The following PCNX4 variants were observed in gnomAD, a reference collection of about 807,000 sequenced individuals.
PCNX4 encodes the protein pecanex-like protein 4.
A neutral mutation model predicts 107.2 loss-of-function variants in PCNX4; 103 were observed. The ratio of observed to expected loss-of-function variants is 0.96; its 90% CI spans 0.82 to 1.13. The LOEUF (loss-of-function observed/expected upper bound fraction) is 1.13, where lower values mean the gene tolerates loss of function less well. Among genes scored for constraint, PCNX4 ranks in the 50% most tolerant of loss-of-function variants. PCNX4 has a pLI of 0.00. For synonymous variants in PCNX4, 541 were observed against 481.7 expected, an observed-to-expected ratio of 1.12 and a Z score of -1.61; for missense variants, 1,528 against 1,379.4, an observed-to-expected ratio of 1.11 and a Z score of -1.71.
At chr14:60,121,921 A>G (rs904308786) in intron 8 of PCNX4, among the ~76,000 whole-genome samples, 3 of 152,082 alleles carry the variant, frequency 2.0e-5, no homozygotes, top group South Asian at 2.1e-4. Flanking sequence ...CACTTGTTTC[A>G]TGGGTTACTT....
rs1303824351 is a variant in PCNX4 at position 60,121,251 on chromosome 14, G to A, written c.1998G>A (p.Trp666Ter). 6.2e-7 allele frequency: 1 copy of A among 1,610,188 alleles called. No individual in the cohort carries two copies. Among genetic ancestry groups the A allele is most frequent in the Non-Finnish European group, 8.5e-7 (1 of 1,178,144 alleles). Reference protein sequence around the residue: ...YLGRFQDRLMWIMILECGYTY... With the variant: ...YLGRFQDRLM ...GCCGTTTTCAGGATCGTTTAATGTG[G>A]ATAATGATTCTGGAATGTGGCTATA... Residue 666 changes from tryptophan to a stop codon, truncating the protein, a stop_gained, in exon 8 of 11, where the codon TGG (tryptophan) becomes TGA (stop). Coordinates refer to ENST00000406854, the MANE Select transcript of PCNX4 (RefSeq NM_001330177.2). LOFTEE classifies it high-confidence loss of function.
chr14:60,128,985 G>A (rs1341534221), intron 10 of PCNX4, among the ~76,000 whole-genome samples: 3 of 152,154 alleles, frequency 2.0e-5, no homozygotes, highest in Admixed American at 6.5e-5. Flanking sequence ...GGCCGCGGCA[G>A]GCGGATCACC....
chr14:60,125,101 CT>C lies in PCNX4; in HGVS notation c.2932del (p.Cys978ValfsTer8). The C allele has an allele frequency of 1.2e-6, 2 of 1,613,346 alleles. No individual in the cohort carries two copies. The highest frequency in any genetic ancestry group is 1.7e-6 in the Non-Finnish European group (2 of 1,179,576). The part of the protein sequence containing the change: ...LKDFYVHTVM[T>X]CYFSLFGIDN... The stretch of plus-strand genomic sequence containing the variant: ...GACTTTTATGTTCATACAGTAATGA[CT>C]TGTTATTTTAGTTTATTTGGAATAG... On this transcript the variant is annotated frameshift_variant, in exon 9 of 11. Coordinates refer to ENST00000406854, the MANE Select transcript of PCNX4 (RefSeq NM_001330177.2). LOFTEE classifies it high-confidence loss of function.
chr14:60,131,488 T>G (rs934383495), intron 10 of PCNX4, among the ~76,000 whole-genome samples: 3 of 152,026 alleles, frequency 2.0e-5, no homozygotes, highest in African/African-American at 7.2e-5. Flanking sequence ...ATAAAATACT[T>G]AGGAAAAATT....
chr14:60,119,830 C>G (rs1895921722), intron 7 of PCNX4, among the ~76,000 whole-genome samples: 1 of 152,048 alleles, frequency 6.6e-6, no homozygotes, highest in Non-Finnish European at 1.5e-5. Context: ...ATCAGAGTGG[C>G]AAAAATGTAA....
intron 1 of PCNX4, among the ~76,000 whole-genome samples, chr14:60,096,032 A>G (rs1895417471): frequency 6.6e-6 from 1 of 152,166 alleles, no homozygotes; most frequent in Non-Finnish European, 1.5e-5. Context: ...CAGAAACAGG[A>G]CACAACACAA....
intron 6 of PCNX4, among the ~76,000 whole-genome samples, chr14:60,116,792 A>C (rs531020069): frequency 5.4e-4 from 82 of 152,326 alleles, no homozygotes; most frequent in African/African-American, 1.9e-3. Flanking sequence ...TGACAACTCC[A>C]TGTATGTTAT....
In PCNX4 at chr14:60,107,745, C is replaced by T. The variant is rs1452533632; in HGVS notation, c.107C>T (p.Ala36Val). 6.2e-7 allele frequency: 1 copy of T among 1,612,532 alleles called. No individual in the cohort carries two copies. Among genetic ancestry groups the T allele is most frequent in the Non-Finnish European group, 8.5e-7 (1 of 1,179,650 alleles). Reference protein sequence around the residue: ...GGPRFKLGYCAPPYIYVNQII... With the variant: ...GGPRFKLGYCVPPYIYVNQII... ...CCTCGATTCAAATTAGGCTATTGTG[C>T]CCCTCCTTACATATATGTTAATCAA... Residue 36 changes from alanine (A) to valine (V), a missense_variant, in exon 2 of 11, where the codon GCC (alanine) becomes GTC (valine). Transcript: ENST00000406854.
At chr14:60,133,257 T>C (rs1293769369) in intron 10 of PCNX4, among the ~76,000 whole-genome samples, 1 of 152,164 alleles carries the variant, frequency 6.6e-6, no homozygotes, top group Non-Finnish European at 1.5e-5. Flanking sequence ...TATTCTGCCA[T>C]AAAAAGGAAT....
intron 1 of PCNX4, among the ~76,000 whole-genome samples, chr14:60,095,438 T>C (rs181556940): frequency 3.9e-5 from 6 of 152,282 alleles, no homozygotes; most frequent in African/African-American, 1.4e-4. Flanking sequence ...ACTGGGAATT[T>C]CCCTGTGGGC....
chr14:60,125,139 C>A lies in PCNX4; in HGVS notation c.2968C>A (p.Pro990Thr). The change falls in exon 9 of 11, where the codon CCT (proline) becomes ACT (threonine). Residue 990 changes from proline to threonine, a missense_variant. Pro to Thr is a conservative substitution (Grantham distance 38). Transcript: ENST00000406854. ...FSLFGIDNMA[P>T]SPGHILRVYG... ...TTTATTTGGAATAGACAATATGGCTCCTAGTCCTGGTCATATATTGAGAGT... is the reference window on the plus strand; with the variant it reads ...TTTATTTGGAATAGACAATATGGCTACTAGTCCTGGTCATATATTGAGAGT... 4 of 1,612,850 alleles carry A rather than the reference C, an allele frequency of 2.5e-6. No individual in the cohort carries two copies. Among genetic ancestry groups the A allele is most frequent in the Non-Finnish European group, 3.4e-6 (4 of 1,179,292 alleles).
Position 60,116,650 on chromosome 14 carries a change from T to G in PCNX4, c.1578+590T>G, listed in dbSNP as rs114900776. Among the ~76,000 whole-genome samples, 602 of 152,256 alleles carry G rather than the reference T, an allele frequency of 4.0e-3. 3 individuals are homozygous for G. Among genetic ancestry groups the G allele is most frequent in the African/African-American group, 0.014 (571 of 41,540 alleles). On this transcript the variant is annotated intron_variant, in intron 6 of 10. Transcript: ENST00000406854. ...GTACTTGACAATAAGCAACTACTGGTTTATGTACTTACTGTGCTTTTTATT... is the reference window on the plus strand; with the variant it reads ...GTACTTGACAATAAGCAACTACTGGGTTATGTACTTACTGTGCTTTTTATT...
chr14:60,136,206 T>C lies in PCNX4; in HGVS notation c.*1985T>C, dbSNP rs1896238065. ...ATTTGACCATTCCTTGAAGCAGCTT[T>C]TGTGTTTTCTTTTGAACTTTCCTGA... On this transcript the variant is annotated 3_prime_UTR_variant, in exon 11 of 11. Coordinates refer to ENST00000406854, the MANE Select transcript of PCNX4 (RefSeq NM_001330177.2). 6.6e-6 allele frequency: 1 copy of C among 152,212 alleles called. No homozygotes were observed. Among genetic ancestry groups the C allele is most frequent in the Non-Finnish European group, 1.5e-5 (1 of 68,036 alleles). The allele number at this position is 152,212 out of a possible 1,614,324, so 9.4% of individuals were successfully genotyped here. A position where few individuals can be genotyped will look rare whatever the true frequency, so the allele number is the denominator to read the frequency against.
chr14:60,124,537 G>T lies in PCNX4; in HGVS notation c.2366G>T (p.Gly789Val), dbSNP rs1021292189. 6.2e-7 allele frequency: 1 copy of T among 1,613,534 alleles called. No individual in the cohort carries two copies. Among genetic ancestry groups the T allele is most frequent in the African/African-American group, 1.3e-5 (1 of 74,862 alleles). The change falls in exon 9 of 11, where the codon GGG (glycine) becomes GTG (valine). Residue 789 changes from glycine to valine, a missense_variant. Physicochemically the swap from Gly to Val is moderately radical, Grantham distance 109 (BLOSUM62 -3). Coordinates refer to ENST00000406854, the MANE Select transcript of PCNX4 (RefSeq NM_001330177.2). Reference protein sequence around the residue: ...KENVHNTENKGKAPLMLPALN... With the variant: ...KENVHNTENKVKAPLMLPALN... ...AATGTTCACAACACTGAAAATAAAG[G>T]GAAAGCACCTCTAATGTTGCCTGCT...
chr14:60,118,771 T>C, intron 7 of PCNX4, 79 bp downstream of exon 7: 1 of 1,415,302 alleles, frequency 7.1e-7, no homozygotes, highest in Non-Finnish European at 9.3e-7. Context: ...GAAAACAATC[T>C]TTTTATCCAA....
chr14:60,118,003 A>G (rs181582708), intron 6 of PCNX4, among the ~76,000 whole-genome samples: 1 of 151,926 alleles, frequency 6.6e-6, no homozygotes, highest in South Asian at 2.1e-4. Flanking sequence ...AGCCAGTTTT[A>G]GTAATTTGTG....
intron 2 of PCNX4, among the ~76,000 whole-genome samples, chr14:60,112,388 A>G (rs1595167883): frequency 6.6e-6 from 1 of 152,190 alleles, no homozygotes; most frequent in Non-Finnish European, 1.5e-5. Flanking sequence ...GAAAATTTCT[A>G]TTACATTATC....
intron 1 of PCNX4, among the ~76,000 whole-genome samples, chr14:60,105,952 A>G (rs1262015506): frequency 6.6e-6 from 1 of 152,174 alleles, no homozygotes; most frequent in East Asian, 1.9e-4. Context: ...TCCATAGATA[A>G]CTTGTGTCAG....
intron 2 of PCNX4, 63 bp downstream of exon 2, chr14:60,108,390 T>G: frequency 1.6e-6 from 2 of 1,243,756 alleles, no homozygotes; most frequent in Non-Finnish European, 1.1e-6. Flanking sequence ...TAAGAGAGCT[T>G]TCCTTTTAGT....
Sources: gnomAD v4.1 joint callset for allele counts (sites outside exome capture counted in the v4.1 genomes callset) on GRCh38, gnomAD v4.1.1 for gene constraint, MANE v1.5 for transcripts, NCBI Gene and HGNC (gene_info 2026-07-23, HGNC 2026-07-21) for gene names.